The following PARP4 variants were observed in gnomAD, a reference collection of about 807,000 sequenced individuals.
The protein encoded by PARP4 is protein mono-ADP-ribosyltransferase PARP4.
Under a neutral mutation model 187.7 loss-of-function variants are expected in PARP4, and 120 were observed. The ratio of observed to expected loss-of-function variants is 0.64; its 90% CI spans 0.55 to 0.74. PARP4 has a LOEUF of 0.74. Among genes scored for constraint, PARP4 ranks in the 30% least tolerant of loss-of-function variants. PARP4 has a pLI of 0.00. For synonymous variants in PARP4, 654 were observed against 740.9 expected, an observed-to-expected ratio of 0.88 and a Z score of 1.90; for missense variants, 1,836 against 2,070.5, an observed-to-expected ratio of 0.89 and a Z score of 2.20.
chr13:24,434,600 G>A lies in PARP4; in HGVS notation c.4541C>T (p.Pro1514Leu), dbSNP rs1194832489. The A allele has an allele frequency of 1.6e-5, 25 of 1,612,258 alleles. No homozygotes were observed. The highest frequency in any genetic ancestry group is 2.0e-5 in the Non-Finnish European group (24 of 1,178,512). ...GTCAGAACTTTGAAAAGCAAAGACAGGACATCGACTTCCTTCGAGACTGCC... is the reference window on the plus strand; with the variant it reads ...GTCAGAACTTTGAAAAGCAAAGACAAGACATCGACTTCCTTCGAGACTGCC... ...SVGSLEGSRC[P>L]VFAFQSSDTE... Residue 1514 changes from proline (P) to leucine (L), a missense_variant, in exon 31 of 34, where the codon CCT becomes CTT. Around this residue, in one of 8 missense-constraint regions of PARP4, gnomAD observed 450 missense variants for 439.2 expected, o/e 1.02. Transcript: ENST00000381989.
At chr13:24,481,218 T>G (rs1473860008) in intron 12 of PARP4, among the ~76,000 whole-genome samples, 1 of 152,260 alleles carries the variant, frequency 6.6e-6, no homozygotes, top group African/African-American at 2.4e-5. Context: ...TGTATAGATC[T>G]ACTGCTCAAC....
In PARP4 at chr13:24,478,104, T is replaced by C. The variant is rs904075792; in HGVS notation, c.1621A>G (p.Thr541Ala). The C allele has an allele frequency of 2.9e-5, 47 of 1,600,124 alleles. No individual in the cohort carries two copies. The highest frequency in any genetic ancestry group is 1.7e-5 in the Admixed American group (1 of 57,628). ...TGAAATAAAAATACCTCAAAGTCTG[T>C]GGTGACAGAGGCTGTTTGCGAAACT... Reference protein sequence around the residue: ...HGVSQTASVTTDFEDDEFVVY... With the variant: ...HGVSQTASVTADFEDDEFVVY... The change falls in exon 13 of 34, where the codon ACA (threonine) becomes GCA (alanine). Residue 541 changes from threonine (T) to alanine (A), a missense_variant. Coordinates refer to ENST00000381989, the MANE Select transcript of PARP4 (RefSeq NM_006437.4).
In PARP4 at chr13:24,438,604, C is replaced by T. The variant is rs138118538; in HGVS notation, c.3667-3130G>A. Among the ~76,000 whole-genome samples the T allele has an allele frequency of 1.7e-3, 254 of 152,254 alleles. 1 individual carries two copies. The highest frequency in any genetic ancestry group is 5.5e-3 in the African/African-American group (230 of 41,530). On this transcript the variant is annotated intron_variant, in intron 30 of 33. Transcript: ENST00000381989. ...CTTGTTCTCAATGTGCTTTCATGAG[C>T]GGGAGGGAACGAAGTGGATTTGGGG...
chr13:24,492,868 T>C (rs1215709021), intron 8 of PARP4, among the ~76,000 whole-genome samples: 3 of 152,198 alleles, frequency 2.0e-5, no homozygotes, highest in Admixed American at 2.0e-4. Context: ...TACATACCTA[T>C]ACACAGAGAG....
chr13:24,495,676 C>T (rs913776280), intron 6 of PARP4, among the ~76,000 whole-genome samples: 4 of 152,080 alleles, frequency 2.6e-5, no homozygotes, highest in African/African-American at 9.7e-5. Context: ...TTGGTTGAGC[C>T]CCTGGCTTGG....
chr13:24,474,855 T>C (rs1872903625), intron 15 of PARP4, among the ~76,000 whole-genome samples: 1 of 152,014 alleles, frequency 6.6e-6, no homozygotes, highest in Non-Finnish European at 1.5e-5. Flanking sequence ...GCATGACCTG[T>C]GTACTGATGT....
intron 1 of PARP4, among the ~76,000 whole-genome samples, chr13:24,506,364 G>A (rs781073420): frequency 3.3e-5 from 5 of 152,142 alleles, no homozygotes; most frequent in Non-Finnish European, 5.9e-5. Context: ...TTACTGCAAG[G>A]AGTGAAAAAC....
chr13:24,503,509 C>CA, intron 2 of PARP4, 136 bp downstream of exon 2: 1 of 1,031,774 alleles, frequency 9.7e-7, no homozygotes, highest in Non-Finnish European at 1.4e-6. Flanking sequence ...TGGGCCATGT[C>CA]AGTCTCTCCT....
chr13:24,499,391 G>A lies in PARP4; in HGVS notation c.402-15C>T. On this transcript the variant is annotated splice_polypyrimidine_tract_variant and intron_variant, in intron 4 of 33. Coordinates refer to ENST00000381989, the MANE Select transcript of PARP4 (RefSeq NM_006437.4). ...GCATACCAAACCTGAAATTTGTAGT[G>A]TATAATTAAAATTTTAACATTAAAT... 1 of 1,550,778 alleles carries A rather than the reference G, an allele frequency of 6.4e-7. No individual in the cohort carries two copies. The highest frequency in any genetic ancestry group is 8.7e-7 in the Non-Finnish European group (1 of 1,155,840).
At chr13:24,488,406 T>G (rs1192696783) in intron 10 of PARP4, among the ~76,000 whole-genome samples, 1 of 152,110 alleles carries the variant, frequency 6.6e-6, no homozygotes, top group Non-Finnish European at 1.5e-5. Context: ...CAGGCTGGAG[T>G]GCAGTGGTGC....
chr13:24,448,940 G>A (rs1421403968), intron 25 of PARP4, among the ~76,000 whole-genome samples: 1 of 152,222 alleles, frequency 6.6e-6, no homozygotes, highest in Non-Finnish European at 1.5e-5. Context: ...ACAGAAAGTA[G>A]AGTCATGGTT....
At chr13:24,436,025 GAGAAT>G (rs1476959871) in intron 30 of PARP4, among the ~76,000 whole-genome samples, 1 of 151,890 alleles carries the variant, frequency 6.6e-6, no homozygotes, top group Non-Finnish European at 1.5e-5. Context: ...GAGACCTGGA[GAGAAT>G]ATCAGCAATC....
intron 5 of PARP4, 45 bp downstream of exon 5, chr13:24,499,256 G>C (rs1322079337): frequency 2.8e-5 from 42 of 1,485,600 alleles, no homozygotes; most frequent in Non-Finnish European, 3.6e-6. Flanking sequence ...CATTCAAACA[G>C]GTGTGTTTTT....
In PARP4 at chr13:24,442,587, TA is replaced by T. The variant is rs1317084276; in HGVS notation, c.3543+2del. ...TTAACCTCGAATTACCAATAATACA[TA>T]CCCTTTTCTCAACTGCCACAAAGCT... On this transcript the variant is annotated splice_donor_variant, in intron 29 of 33. Coordinates refer to ENST00000381989, the MANE Select transcript of PARP4 (RefSeq NM_006437.4). LOFTEE classifies it high-confidence loss of function. 6.2e-6 allele frequency: 9 copies of T among 1,440,948 alleles called. No individual in the cohort carries two copies. The highest frequency in any genetic ancestry group is 8.8e-6 in the Non-Finnish European group (9 of 1,022,896). 89.3% of individuals were successfully genotyped at this position (1,440,948 alleles called of 1,614,324 possible). A position where few individuals can be genotyped will look rare whatever the true frequency, so the allele number is the denominator to read the frequency against.
At chr13:24,444,339 A>T (rs1199181136) in intron 27 of PARP4, among the ~76,000 whole-genome samples, 1 of 152,310 alleles carries the variant, frequency 6.6e-6, no homozygotes, top group African/African-American at 2.4e-5. Flanking sequence ...TCTAATTTTT[A>T]AAAATATACT....
chr13:24,496,648 G>C (rs1158934117), intron 6 of PARP4, among the ~76,000 whole-genome samples: 1 of 152,168 alleles, frequency 6.6e-6, no homozygotes, highest in African/African-American at 2.4e-5. Flanking sequence ...ACTCAGAGTG[G>C]GAACAAAGGG....
In PARP4 at chr13:24,494,591, T is replaced by A. The variant is rs1868839153; in HGVS notation, c.723A>T (p.Ala241=). Residue 241 remains alanine (A), a synonymous_variant, in exon 7 of 34, where the codon GCA becomes GCT. Coordinates refer to ENST00000381989, the MANE Select transcript of PARP4 (RefSeq NM_006437.4). ...ATCTCACTGCTTGCAATTGTTCAGA[T>A]GCTAATTGGGTTGCTTCAGGTGTGA... ...EHFTPEATQL[A]SEQLQALLLE... is the part of the protein sequence containing the mutation. 1 of 1,608,462 alleles carries A rather than the reference T, an allele frequency of 6.2e-7. No individual in the cohort carries two copies. Among genetic ancestry groups the A allele is most frequent in the South Asian group, 1.1e-5 (1 of 88,946 alleles).
At chr13:24,506,855 C>T (rs544507377) in intron 1 of PARP4, among the ~76,000 whole-genome samples, 5 of 152,358 alleles carry the variant, frequency 3.3e-5, no homozygotes, top group East Asian at 1.9e-4. Flanking sequence ...TGGGACCGGG[C>T]GCCGGCCGCG....
intron 1 of PARP4, among the ~76,000 whole-genome samples, chr13:24,507,157 G>A (rs545236379): frequency 7.2e-5 from 11 of 152,322 alleles, no homozygotes; most frequent in Non-Finnish European, 1.3e-4. Flanking sequence ...CGCAAGCGCC[G>A]CGCACAGCCC....
Sources: allele counts gnomAD v4.1 joint callset (sites outside exome capture counted in the v4.1 genomes callset), GRCh38; gene constraint gnomAD v4.1.1; regional missense constraint gnomAD v4.1.1; transcripts MANE v1.5; gene names NCBI Gene and HGNC (gene_info 2026-07-23, HGNC 2026-07-21).